PLEKHA7: variants seen among roughly 807,000 people sequenced by gnomAD.
PLEKHA7 encodes pleckstrin homology domain containing A7.
In PLEKHA7, 104 loss-of-function variants were observed where a neutral mutation model predicts 170.0. That is an observed-to-expected ratio of 0.61 (90% CI 0.52 to 0.72). The LOEUF (loss-of-function observed/expected upper bound fraction) is 0.72. Ranked by LOEUF, PLEKHA7 falls within the 30% of genes least tolerant of loss-of-function variation. The pLI is 0.00. For missense variants in PLEKHA7, 1,615 were observed against 1,671.7 expected (o/e 0.97, Z 0.59); for synonymous variants, 648 against 660.8 (o/e 0.98, Z 0.30).
At chr11:16,930,891 G>T (rs1221998361) in intron 3 of PLEKHA7, among the ~76,000 whole-genome samples, 1 of 152,112 alleles carries the variant, frequency 6.6e-6, no homozygotes, top group Non-Finnish European at 1.5e-5. Context: ...CAGTGCCTTA[G>T]AACCAGGCAA....
intron 4 of PLEKHA7, among the ~76,000 whole-genome samples, chr11:16,865,012 T>C (rs1381840215): frequency 6.6e-6 from 1 of 152,168 alleles, no homozygotes; most frequent in Non-Finnish European, 1.5e-5. Context: ...TCTTCTCTCC[T>C]GCAGATTAAT....
At chr11:16,880,587 T>C (rs1855635991) in intron 3 of PLEKHA7, among the ~76,000 whole-genome samples, 1 of 152,160 alleles carries the variant, frequency 6.6e-6, no homozygotes, top group Admixed American at 6.5e-5. Flanking sequence ...TTTTCTTCCC[T>C]TTGAGTTAAG....
At chr11:16,838,693 C>CTTTTTTTTTTTTTTTTTTTTTTTTTTT (rs869209891) in intron 9 of PLEKHA7, among the ~76,000 whole-genome samples, 1 of 107,870 alleles carries the variant, frequency 9.3e-6, no homozygotes, top group Non-Finnish European at 1.8e-5. Context: ...ACACAGTTTT[C>CTTTTTTTTTTTTTTTTTTTTTTTTTTT]TTTTTTTTTT....
At chr11:16,870,572 G>T (rs1039267392) in intron 4 of PLEKHA7, among the ~76,000 whole-genome samples, 1 of 151,130 alleles carries the variant, frequency 6.6e-6, no homozygotes, top group African/African-American at 2.4e-5. Context: ...CAAGGCTGCA[G>T]TGAGCCAAGA....
chr11:16,888,907 A>T (rs1343708418), intron 3 of PLEKHA7, among the ~76,000 whole-genome samples: 2 of 19,386 alleles, frequency 1.0e-4, no homozygotes, highest in Non-Finnish European at 1.5e-4. Flanking sequence ...GGGGAAGATA[A>T]AAAAAAAAAA....
At position 16,847,842 on chromosome 11, in the gene PLEKHA7, CAAAAAAAAA is replaced by C; in HGVS notation, c.696+3340_696+3348del. On this transcript the variant is annotated intron_variant, in intron 8 of 26. Coordinates refer to ENST00000531066, the MANE Select transcript of PLEKHA7 (RefSeq NM_001329630.2). ...GGGCGACAAGAGCGAAATTCTGTCTCAAAAAAAAAAAAAAAAAAAAAAATGGCTTTATCC... is the reference window on the plus strand; with the variant it reads ...GGGCGACAAGAGCGAAATTCTGTCTCAAAAAAAAAAAAAATGGCTTTATCC... Among the ~76,000 whole-genome samples, 3 of 101,442 alleles carry C rather than the reference CAAAAAAAAA, an allele frequency of 3.0e-5. 1 individual carries two copies. In the South Asian group the frequency reaches 1.0e-3, roughly 35 times the overall value. 66.5% of individuals were successfully genotyped at this position (101,442 alleles called of 152,430 possible). A position where few individuals can be genotyped will look rare whatever the true frequency, so the allele number is the denominator to read the frequency against.
chr11:16,849,399 T>C (rs1023464157), intron 8 of PLEKHA7, among the ~76,000 whole-genome samples: 1 of 149,824 alleles, frequency 6.7e-6, no homozygotes, highest in African/African-American at 2.5e-5. Context: ...AGTGCTCAAC[T>C]CTAGAAAAGA....
intron 23 of PLEKHA7, chr11:16,787,571 C>T (rs1376669550): frequency 6.6e-6 from 1 of 152,034 alleles, no homozygotes; most frequent in African/African-American, 2.4e-5. Flanking sequence ...GAGACAAGTC[C>T]TCATTTAAAC....
chr11:16,858,579 G>A (rs916694575), intron 4 of PLEKHA7, among the ~76,000 whole-genome samples: 1 of 149,776 alleles, frequency 6.7e-6, no homozygotes, highest in South Asian at 2.1e-4. Context: ...TGCAACCTCC[G>A]CCTCCCAGGT....
At chr11:16,963,116 C>A (rs12362815) in intron 3 of PLEKHA7, among the ~76,000 whole-genome samples, 1 of 152,100 alleles carries the variant, frequency 6.6e-6, no homozygotes, top group Admixed American at 6.5e-5. Flanking sequence ...AGGCCTTGTA[C>A]ACAGTGCAGT....
rs1849882977 is a variant in PLEKHA7, at chr11:16,817,735, G to C, written c.1344-413C>G. Among the ~76,000 whole-genome samples the C allele has an allele frequency of 6.6e-6, 1 of 152,216 alleles. No homozygotes were observed. Reference sequence around the variant, plus strand: ...CAAGTTCCAGAGGTTCATAAAGGAAGTGGTTGGCATCAGTTCTCTTTTTTC... The same window carrying C: ...CAAGTTCCAGAGGTTCATAAAGGAACTGGTTGGCATCAGTTCTCTTTTTTC... On this transcript the variant is annotated intron_variant, in intron 10 of 26. Transcript: ENST00000531066. This position sits in a 1 kb window ranked among gnomAD's most constrained non-coding sequence, Gnocchi z 4.4.
At chr11:16,938,686 G>A (rs1024443880) in intron 3 of PLEKHA7, among the ~76,000 whole-genome samples, 28 of 152,118 alleles carry the variant, frequency 1.8e-4, no homozygotes, top group Admixed American at 1.7e-3. Context: ...TTGGAAGGCC[G>A]AAAACAGAAT....
At chr11:16,963,994 A>G (rs1862220979) in intron 3 of PLEKHA7, among the ~76,000 whole-genome samples, 1 of 152,220 alleles carries the variant, frequency 6.6e-6, no homozygotes, top group African/African-American at 2.4e-5. Context: ...CTCAGGCCCT[A>G]GAAACCTCTA....
intron 9 of PLEKHA7, among the ~76,000 whole-genome samples, chr11:16,828,306 A>G (rs1850819411): frequency 6.6e-6 from 1 of 152,140 alleles, no homozygotes; most frequent in Non-Finnish European, 1.5e-5. Flanking sequence ...ACGGTTTTAG[A>G]AGCGTCTTTT....
intron 3 of PLEKHA7, among the ~76,000 whole-genome samples, chr11:16,887,810 C>A (rs568970347): frequency 6.6e-6 from 1 of 152,306 alleles, no homozygotes; most frequent in East Asian, 1.9e-4. Context: ...TCTGCCCAGC[C>A]GCCACCCCGT....
chr11:16,861,126 C>T (rs1044377833), intron 4 of PLEKHA7, among the ~76,000 whole-genome samples: 7 of 152,210 alleles, frequency 4.6e-5, no homozygotes, highest in African/African-American at 1.4e-4. Flanking sequence ...TCATCTCCTA[C>T]AAACATCCCA....
intron 4 of PLEKHA7, among the ~76,000 whole-genome samples, chr11:16,870,104 A>G (rs1182846771): frequency 1.3e-5 from 2 of 152,170 alleles, no homozygotes; most frequent in Non-Finnish European, 2.9e-5. Flanking sequence ...GGTAGAGCCC[A>G]CCTGAGCACC....
At chr11:16,997,559 T>G (rs1864414841) in intron 3 of PLEKHA7, among the ~76,000 whole-genome samples, 1 of 152,108 alleles carries the variant, frequency 6.6e-6, no homozygotes, top group South Asian at 2.1e-4. Flanking sequence ...TTCACTCACC[T>G]GGCACTCGAT....
intron 3 of PLEKHA7, among the ~76,000 whole-genome samples, chr11:17,009,393 G>A (rs34502475): frequency 0.32 from 48,376 of 152,074 alleles, 8,237 homozygotes; most frequent in Middle Eastern, 0.42. Flanking sequence ...TCTGTAAAAC[G>A]AAACTAGTAG....
Sources: gnomAD v4.1 joint callset for allele counts (sites outside exome capture counted in the v4.1 genomes callset) on GRCh38, gnomAD v4.1.1 for gene constraint, Gnocchi (gnomAD v3.1) non-coding constraint, MANE v1.5 for transcripts, NCBI Gene and HGNC (gene_info 2026-07-23, HGNC 2026-07-21) for gene names.